The following FAP variants were observed in gnomAD, a reference collection of about 807,000 sequenced individuals.
The protein encoded by FAP is fibroblast activation protein alpha.
FAP carries 110 observed loss-of-function variants against 126.5 expected under a neutral mutation model. The observed-to-expected ratio is 0.87, with a 90% confidence interval of 0.74 to 1.02. FAP has a LOEUF of 1.02. Among genes scored for constraint, FAP ranks in the 50% least tolerant of loss-of-function variants. The probability of loss-of-function intolerance (pLI) is 0.00; values close to 1 mark genes in which losing one functional copy is unlikely to be tolerated. For missense variants in FAP, 919 were observed against 909.2 expected, an observed-to-expected ratio of 1.01 and a Z score of -0.14; for synonymous variants, 334 against 297.3, an observed-to-expected ratio of 1.12 and a Z score of -1.27.
intron 12 of FAP, among the ~76,000 whole-genome samples, chr2:162,204,638 T>G (rs1688627249): frequency 6.6e-6 from 1 of 152,132 alleles, no homozygotes; most frequent in Non-Finnish European, 1.5e-5. Flanking sequence ...CAGGGAGGAT[T>G]CTTCTCTTGA....
chr2:162,171,127 T>G (rs763192191), intron 25 of FAP, 47 bp from the exon 26 acceptor site: 37 of 1,496,134 alleles, frequency 2.5e-5, no homozygotes, highest in Admixed American at 1.4e-4. Context: ...AGTCATCAAA[T>G]GCATTTAGCT....
chr2:162,185,729 G>A lies in FAP; in HGVS notation c.1815-2261C>T, dbSNP rs564139506. Among the ~76,000 whole-genome samples, 10 of 152,112 alleles carry A rather than the reference G, an allele frequency of 6.6e-5. No individual in the cohort carries two copies. In the South Asian group the frequency reaches 8.3e-4, roughly 13 times the overall value. On this transcript the variant is annotated intron_variant, in intron 20 of 25. Transcript: ENST00000188790. The stretch of plus-strand genomic sequence containing the variant: ...CAAAAGCTTAGCCAGATTGCATTTT[G>A]TAAAAGATTCAGGGGAGAAATTTTA...
chr2:162,210,746 G>C (rs1688897734), intron 11 of FAP, among the ~76,000 whole-genome samples: 4 of 152,118 alleles, frequency 2.6e-5, no homozygotes, highest in Non-Finnish European at 5.9e-5. Flanking sequence ...GGATATACTA[G>C]AAGTGGGTAA....
At chr2:162,234,780 C>T (rs1313202642) in intron 2 of FAP, among the ~76,000 whole-genome samples, 3 of 152,276 alleles carry the variant, frequency 2.0e-5, no homozygotes, top group Non-Finnish European at 2.9e-5. Flanking sequence ...CCCTTCAGCC[C>T]GCCGCTGCAC....
At chr2:162,172,621 A>T in intron 25 of FAP, 190 bp downstream of exon 25, 1 of 543,180 alleles carries the variant, frequency 1.8e-6, no homozygotes, top group Non-Finnish European at 3.3e-6. Context: ...ACGAGAGGTG[A>T]TCTGGTTTGC....
At position 162,226,632 on chromosome 2, in the gene FAP, A is replaced by G; in HGVS notation, c.92-11T>C. On this transcript the variant is annotated splice_polypyrimidine_tract_variant and intron_variant, in intron 2 of 25. Coordinates refer to ENST00000188790, the MANE Select transcript of FAP (RefSeq NM_004460.5). Reference sequence around the variant, plus strand: ...CTTCAGAGTTATGAACTTTGGGGGAAGAGCAAATACATCCTTATTAAAAAG... The same window carrying G: ...CTTCAGAGTTATGAACTTTGGGGGAGGAGCAAATACATCCTTATTAAAAAG... 1.4e-6 allele frequency: 2 copies of G among 1,388,130 alleles called. No homozygotes were observed. The allele number at this position is 1,388,130 out of a possible 1,614,324, so 86.0% of individuals were successfully genotyped here.
rs145773820 is a variant in FAP at position 162,185,313 on chromosome 2, C to T, written c.1815-1845G>A. Among the ~76,000 whole-genome samples, 351 of 152,220 alleles carry T rather than the reference C, an allele frequency of 2.3e-3. 5 individuals carry two copies. The highest frequency in any genetic ancestry group is 0.01 in the East Asian group (54 of 5,194). On this transcript the variant is annotated intron_variant, in intron 20 of 25. Coordinates refer to ENST00000188790, the MANE Select transcript of FAP (RefSeq NM_004460.5). ...ATTTTAGAAATATTCTTATTCATGC[C>T]ATCTATAAAAGCATGATAGAAAATT...
intron 17 of FAP, among the ~76,000 whole-genome samples, chr2:162,192,546 T>C (rs1164806375): frequency 2.0e-5 from 3 of 152,100 alleles, no homozygotes; most frequent in South Asian, 2.1e-4. Context: ...TCCACTCTTG[T>C]TTTGTCCACT....
intron 17 of FAP, among the ~76,000 whole-genome samples, chr2:162,193,038 C>T (rs568900964): frequency 1.3e-5 from 2 of 152,174 alleles, no homozygotes; most frequent in South Asian, 4.1e-4. Flanking sequence ...ACAAGGACAT[C>T]GTCTAACCCA....
intron 22 of FAP, 46 bp downstream of exon 22, chr2:162,174,821 T>C (rs867625357): frequency 1.4e-5 from 18 of 1,329,636 alleles, no homozygotes; most frequent in Middle Eastern, 3.6e-4. Context: ...ATAGAGTAAT[T>C]ACGTGTTAAA....
Position 162,218,066 on chromosome 2 carries a change from C to A in FAP, c.682G>T (p.Asp228Tyr). 4 of 1,606,812 alleles carry A rather than the reference C, an allele frequency of 2.5e-6. No homozygotes were observed. Among genetic ancestry groups the A allele is most frequent in the Non-Finnish European group, 3.4e-6 (4 of 1,175,118 alleles). ...GKFLAYAEFN[D>Y]TDIPVIAYSY... Reference sequence around the variant, plus strand: ...TAGGCAATAACTGGTATATCCGTATCATTAAATTCCGCATATGCCAAAAAT... The same window carrying A: ...TAGGCAATAACTGGTATATCCGTATAATTAAATTCCGCATATGCCAAAAAT... The change falls in exon 9 of 26, where the codon GAT (aspartate) becomes TAT (tyrosine). Residue 228 changes from aspartate (D) to tyrosine (Y), a missense_variant. By Grantham distance (160) the Asp-to-Tyr change is radical. Transcript: ENST00000188790.
chr2:162,173,025 T>C (rs1559758248), intron 24 of FAP, 124 bp downstream of exon 24: 6 of 1,124,178 alleles, frequency 5.3e-6, no homozygotes, highest in Non-Finnish European at 8.1e-6. Flanking sequence ...CACTCAGATA[T>C]GGAAATGTCC....
chr2:162,197,637 G>T (rs1303889756), intron 16 of FAP: 1 of 456,548 alleles, frequency 2.2e-6, no homozygotes, highest in African/African-American at 2.0e-5. Context: ...AGTCAAATGA[G>T]CTGCAGCTCA....
At chr2:162,224,585 A>ATT in intron 4 of FAP, 45 bp from the exon 5 acceptor site, 1 of 1,181,304 alleles carries the variant, frequency 8.5e-7, no homozygotes, top group African/African-American at 1.5e-5. Flanking sequence ...AAGATAACAA[A>ATT]GAACCATGTA....
In FAP at chr2:162,183,438, T is replaced by G; in HGVS notation, c.1845A>C (p.Glu615Asp). ...CCCAGCCCCATATGGCTATTCTTTT[T>G]TCATCAATGAAACCCATTTCTATGA... ...RKFIEMGFID[E>D]KRIAIWGWSY... Residue 615 changes from glutamate to aspartate, a missense_variant, in exon 21 of 26, where the codon GAA (glutamate) becomes GAC (aspartate). Physicochemically the swap from Glu to Asp is conservative, Grantham distance 45. Transcript: ENST00000188790. The G allele has an allele frequency of 1.2e-6, 2 of 1,610,934 alleles. No individual in the cohort carries two copies.
Position 162,243,335 on chromosome 2 carries a change from G to T in FAP, c.-8C>A. ...GCTTATACTAACCTTCATTTTTCCA[G>T]ATGTTTTTGAAAGTTAGCTAATTCT... is the stretch of plus-strand genomic sequence containing the variant. On this transcript the variant is annotated 5_prime_UTR_variant, in exon 1 of 26. In the 5' UTR this introduces an upstream ATG that the reference lacks. Transcript: ENST00000188790. 1.2e-6 allele frequency: 2 copies of T among 1,610,160 alleles called. No homozygotes were observed. Among genetic ancestry groups the T allele is most frequent in the Non-Finnish European group, 1.7e-6 (2 of 1,178,014 alleles).
chr2:162,181,334 G>C (rs1687689959), intron 21 of FAP, among the ~76,000 whole-genome samples: 1 of 152,084 alleles, frequency 6.6e-6, no homozygotes, highest in South Asian at 2.1e-4. Context: ...AGAATGAAGA[G>C]AAAGGTGTCA....
chr2:162,221,682 G>A (rs562882780), intron 6 of FAP: 2 of 456,570 alleles, frequency 4.4e-6, no homozygotes, highest in East Asian at 7.0e-5. Context: ...AAATCTCAGC[G>A]CATGTCTCAA....
chr2:162,173,143 C>T lies in FAP; in HGVS notation c.2107+6G>A. On this transcript the variant is annotated splice_donor_region_variant and intron_variant, in intron 24 of 25. Coordinates refer to ENST00000188790, the MANE Select transcript of FAP (RefSeq NM_004460.5). The stretch of plus-strand genomic sequence containing the variant: ...TTTATGTGTAAGAGTCTTGCTTAAA[C>T]CTCACCATCTGCTGTTCCGTGGATG... 1 of 1,611,282 alleles carries T rather than the reference C, an allele frequency of 6.2e-7. No homozygotes were observed. Among genetic ancestry groups the T allele is most frequent in the Non-Finnish European group, 8.5e-7 (1 of 1,177,504 alleles).
Sources: gnomAD v4.1 joint callset for allele counts (sites outside exome capture counted in the v4.1 genomes callset) on GRCh38, gnomAD v4.1.1 for gene constraint, MANE v1.5 for transcripts, NCBI Gene and HGNC (gene_info 2026-07-23, HGNC 2026-07-21) for gene names.